The following TENM3 variants were observed in gnomAD, a reference collection of about 807,000 sequenced individuals.
TENM3 encodes teneurin-3.
A neutral mutation model predicts 255.1 loss-of-function variants in TENM3; 63 were observed. The observed-to-expected ratio is 0.25, with a 90% CI of 0.20 to 0.30. TENM3 has a LOEUF of 0.30. TENM3 is among the 10% of genes least tolerant of loss of function. The probability of loss-of-function intolerance (pLI) is 1.00; values close to 1 mark genes in which losing one functional copy is unlikely to be tolerated. For synonymous variants in TENM3, 1,306 were observed against 1,322.3 expected (o/e 0.99, Z 0.27); for missense variants, 2,929 against 3,461.1 (o/e 0.85, Z 3.86).
At chr4:182,178,611 G>A (rs1752661549) in intron 1 of TENM3, among the ~76,000 whole-genome samples, 1 of 151,594 alleles carries the variant, frequency 6.6e-6, no homozygotes, top group South Asian at 2.1e-4. Flanking sequence ...TTTAATAACA[G>A]TAATTTTGTT....
chr4:181,589,554 G>T, the TENM3 span, among the ~76,000 whole-genome samples: 6 of 152,196 alleles, frequency 3.9e-5, no homozygotes, highest in South Asian at 1.0e-3. Flanking sequence ...TAATGTTTAG[G>T]GGGGGCAAAA....
chr4:181,591,760 A>G, the TENM3 span, among the ~76,000 whole-genome samples: 1 of 152,182 alleles, frequency 6.6e-6, no homozygotes, highest in Admixed American at 6.5e-5. Context: ...CTAAGGCCTG[A>G]TGAAACCACC....
the TENM3 span, among the ~76,000 whole-genome samples, chr4:181,528,244 T>C: frequency 6.6e-6 from 1 of 152,196 alleles, no homozygotes; most frequent in African/African-American, 2.4e-5. Flanking sequence ...AAAATAAAGC[T>C]ATCTAGTTTC....
the TENM3 span, among the ~76,000 whole-genome samples, chr4:181,784,271 T>A: frequency 2.6e-5 from 4 of 152,068 alleles, no homozygotes; most frequent in Non-Finnish European, 5.9e-5. Context: ...GAATCACATA[T>A]GAGTGACAAG....
intron 13 of TENM3, 84 bp from the exon 14 acceptor site, chr4:182,728,881 A>G: frequency 8.8e-7 from 1 of 1,133,766 alleles, no homozygotes; most frequent in Non-Finnish European, 1.3e-6. Context: ...GTGAAAAAAA[A>G]AAAAACAGTC....
chr4:182,193,827 A>G (rs191384715), intron 1 of TENM3, among the ~76,000 whole-genome samples: 3 of 152,312 alleles, frequency 2.0e-5, no homozygotes, highest in African/African-American at 7.2e-5. Flanking sequence ...ATAGTTACAT[A>G]AGAAATGGTA....
At chr4:182,419,429 A>T (rs896953791) in intron 3 of TENM3, among the ~76,000 whole-genome samples, 1 of 152,228 alleles carries the variant, frequency 6.6e-6, no homozygotes, top group African/African-American at 2.4e-5. Context: ...GTGGGAGTGT[A>T]AACTAGTTCA....
intron 3 of TENM3, among the ~76,000 whole-genome samples, chr4:182,459,340 G>A (rs907509510): frequency 6.6e-6 from 1 of 151,972 alleles, no homozygotes; most frequent in African/African-American, 2.4e-5. Context: ...TATTCATCTC[G>A]GTGAATTCTG....
At chr4:181,670,271 G>T in the TENM3 span, among the ~76,000 whole-genome samples, 12 of 152,194 alleles carry the variant, frequency 7.9e-5, no homozygotes, top group South Asian at 2.1e-4. Context: ...GAGGTAAAAG[G>T]GTCCGTCCCT....
the TENM3 span, among the ~76,000 whole-genome samples, chr4:181,904,680 C>T: frequency 1.4e-4 from 22 of 152,262 alleles, no homozygotes; most frequent in Non-Finnish European, 1.0e-4. Flanking sequence ...ATGTCCCTCC[C>T]TCAAATGCTC....
rs755273189 is a variant in TENM3, at chr4:182,730,840, T to G, written c.2706-38T>G. ...GGTGTGTATTGGTAGTTATGTGGGATCCAGACAATTCACTAAGCATACCTT... is the reference window on the plus strand; with the variant it reads ...GGTGTGTATTGGTAGTTATGTGGGAGCCAGACAATTCACTAAGCATACCTT... On this transcript the variant is annotated intron_variant, in intron 15 of 27. Coordinates refer to ENST00000511685, the MANE Select transcript of TENM3 (RefSeq NM_001080477.4). The G allele has an allele frequency of 5.0e-6, 8 of 1,606,338 alleles. No individual in the cohort carries two copies. In the South Asian group the frequency reaches 8.9e-5, roughly 18 times the overall value.
chr4:182,079,349 T>C, the TENM3 span, among the ~76,000 whole-genome samples: 1 of 152,184 alleles, frequency 6.6e-6, no homozygotes, highest in Admixed American at 6.5e-5. Flanking sequence ...ACCCTGTCTC[T>C]ACTAAAAATA....
the TENM3 span, among the ~76,000 whole-genome samples, chr4:181,881,006 T>C: frequency 5.3e-5 from 8 of 152,210 alleles, no homozygotes; most frequent in Non-Finnish European, 1.2e-4. Flanking sequence ...CATTTGAGTA[T>C]GTAATGAGAA....
the TENM3 span, among the ~76,000 whole-genome samples, chr4:181,616,314 T>TAC: frequency 0.046 from 4,732 of 103,588 alleles, 130 homozygotes; most frequent in Middle Eastern, 0.072. Flanking sequence ...ACCCATAGAA[T>TAC]ACACACACAC....
At chr4:182,476,062 T>A (rs564895777) in intron 3 of TENM3, among the ~76,000 whole-genome samples, 1 of 152,350 alleles carries the variant, frequency 6.6e-6, no homozygotes, top group East Asian at 1.9e-4. Flanking sequence ...CTTTGCTTTT[T>A]AAAAATGGCA....
At chr4:182,335,798 A>G (rs1764099296) in intron 2 of TENM3, among the ~76,000 whole-genome samples, 1 of 152,204 alleles carries the variant, frequency 6.6e-6, no homozygotes, top group Non-Finnish European at 1.5e-5. Flanking sequence ...TATAATGTCT[A>G]TATCTATAAT....
At chr4:182,455,476 A>G (rs1468129160) in intron 3 of TENM3, among the ~76,000 whole-genome samples, 1 of 145,980 alleles carries the variant, frequency 6.9e-6, no homozygotes, top group East Asian at 2.0e-4. Flanking sequence ...TCGCACCAGT[A>G]TTTTCGCTGG....
Position 182,743,407 on chromosome 4 carries a change from T to C in TENM3, c.3617T>C (p.Val1206Ala). The C allele has an allele frequency of 6.2e-7, 1 of 1,613,778 alleles. No homozygotes were observed. Among genetic ancestry groups the C allele is most frequent in the Non-Finnish European group, 8.5e-7 (1 of 1,179,720 alleles). ...TTCCCTTCTGGAAATGTAACAAGTG[T>C]CTTAGAACTAAGGTACGTCTTTCCT... ...RIFPSGNVTSVLELSSNPAHR... is the reference protein window; with the variant it reads ...RIFPSGNVTSALELSSNPAHR... Residue 1206 changes from valine to alanine, a missense_variant, in exon 19 of 28, where the codon GTC (valine) becomes GCC (alanine). Val to Ala is a moderately conservative substitution (Grantham distance 64). Transcript: ENST00000511685.
chr4:181,948,277 G>T, the TENM3 span, among the ~76,000 whole-genome samples: 1 of 152,098 alleles, frequency 6.6e-6, no homozygotes. Flanking sequence ...GCTTCTATTG[G>T]TTGTATATAG....
Sources: gnomAD v4.1 joint callset for allele counts (sites outside exome capture counted in the v4.1 genomes callset) on GRCh38, gnomAD v4.1.1 for gene constraint, MANE v1.5 for transcripts, NCBI Gene and HGNC (gene_info 2026-07-23, HGNC 2026-07-21) for gene names.